Variants in SAMSN1 observed in about 807,000 individuals in gnomAD.
SAMSN1 encodes SAM domain, SH3 domain and nuclear localization signals 1.
SAMSN1 carries 31 observed loss-of-function variants against 42.0 expected under a neutral mutation model. The observed-to-expected ratio is 0.74, with a 90% CI of 0.55 to 1.00. The LOEUF (loss-of-function observed/expected upper bound fraction) is 1.00. SAMSN1 is among the 50% of genes least tolerant of loss of function. The pLI is 0.00. For synonymous variants in SAMSN1, 178 were observed against 151.9 expected, an observed-to-expected ratio of 1.17 and a Z score of -1.26; for missense variants, 464 against 439.4, an observed-to-expected ratio of 1.06 and a Z score of -0.50.
intron 1 of SAMSN1, among the ~76,000 whole-genome samples, chr21:14,643,647 C>T (rs1983647787): frequency 6.6e-6 from 1 of 152,126 alleles, no homozygotes; most frequent in Admixed American, 6.6e-5. Context: ...GATCGTTTCT[C>T]CACAATAAGG....
upstream of SAMSN1, among the ~76,000 whole-genome samples, chr21:14,584,006 T>TTTTC (rs1555839722): frequency 6.6e-6 from 1 of 151,876 alleles, no homozygotes; most frequent in African/African-American, 2.4e-5. Flanking sequence ...ACCATTTTTT[T>TTTTC]TTTTTACTTC....
At chr21:14,497,347 C>A (rs1986950789) in intron 7 of SAMSN1, among the ~76,000 whole-genome samples, 1 of 152,166 alleles carries the variant, frequency 6.6e-6, no homozygotes, top group African/African-American at 2.4e-5. Context: ...GTAATCCCAG[C>A]ACTTTGAGAG....
At chr21:14,618,094 C>T (rs1203861534) in intron 2 of SAMSN1, among the ~76,000 whole-genome samples, 1 of 152,188 alleles carries the variant, frequency 6.6e-6, no homozygotes, top group Non-Finnish European at 1.5e-5. Flanking sequence ...TGTATGTTGT[C>T]ACAATATTCT....
rs1322275604 is a variant in SAMSN1 at position 14,510,342 on chromosome 21, T to C, written c.529A>G (p.Ser177Gly). The C allele has an allele frequency of 1.2e-6, 2 of 1,614,146 alleles. No homozygotes were observed. Among genetic ancestry groups the C allele is most frequent in the Non-Finnish European group, 1.7e-6 (2 of 1,180,010 alleles). ...RARVHTDFTP[S>G]PYDTDSLKIK... ...TTGAGGGAGTCAGTGTCATAGGGAC[T>C]TGGCGTGAAATCCGTATGCACTCTG... The change falls in exon 5 of 8, where the codon AGT (serine) becomes GGT (glycine). Residue 177 changes from serine (S) to glycine (G), a missense_variant. Physicochemically the swap from Ser to Gly is moderately conservative, Grantham distance 56 (BLOSUM62 0). Transcript: ENST00000400566.
chr21:14,655,861 G>A (rs1235032994), intron 1 of SAMSN1, among the ~76,000 whole-genome samples: 1 of 151,740 alleles, frequency 6.6e-6, no homozygotes, highest in Non-Finnish European at 1.5e-5. Flanking sequence ...GAAAACCACA[G>A]AGTATCTCTC....
At chr21:14,541,515 G>T (rs13046767) in intron 1 of SAMSN1, among the ~76,000 whole-genome samples, 82,064 of 151,396 alleles carry the variant, frequency 0.54, 22,572 homozygotes, top group East Asian at 0.78. Context: ...ATTTTTTGTG[G>T]TTTTTTTTGT....
At chr21:14,526,941 T>C (rs917388693) in intron 1 of SAMSN1, among the ~76,000 whole-genome samples, 17 of 152,184 alleles carry the variant, frequency 1.1e-4, no homozygotes, top group African/African-American at 4.1e-4. Context: ...ACCACTAACT[T>C]TGGGAGTCTT....
upstream of SAMSN1, among the ~76,000 whole-genome samples, chr21:14,546,722 T>A (rs1980413831): frequency 6.6e-6 from 1 of 151,472 alleles, no homozygotes; most frequent in Admixed American, 6.6e-5. Flanking sequence ...TATTTTTTCT[T>A]TTTTTGATAC....
At chr21:14,625,291 G>A (rs1034361097) in intron 2 of SAMSN1, among the ~76,000 whole-genome samples, 3 of 152,054 alleles carry the variant, frequency 2.0e-5, no homozygotes, top group Admixed American at 6.6e-5. Context: ...AATCAAGCAG[G>A]AGAAAGAAAT....
intron 1 of SAMSN1, among the ~76,000 whole-genome samples, chr21:14,647,578 G>A (rs1366669285): frequency 1.4e-5 from 2 of 143,666 alleles, no homozygotes; most frequent in African/African-American, 2.5e-5. Context: ...ACCTTGGGCA[G>A]TATGGCCATT....
chr21:14,658,790 CTT>C (rs1568845766), exon 1 of SAMSN1: 8 of 715,430 alleles, frequency 1.1e-5, no homozygotes, highest in South Asian at 1.0e-4. Context: ...GCTTCACTCT[CTT>C]GTTGCCCTGC....
chr21:14,604,159 T>A (rs1259726160), intron 5 of SAMSN1, among the ~76,000 whole-genome samples: 2 of 152,172 alleles, frequency 1.3e-5, no homozygotes, highest in Non-Finnish European at 2.9e-5. Context: ...TCTCCAAAAA[T>A]GTTTTATAAA....
In SAMSN1 at chr21:14,565,287, A is replaced by C. The variant is rs576971779; in HGVS notation, c.261+16849T>G. 8.7e-4 allele frequency among the ~76,000 whole-genome samples: 47 copies of C among 54,322 alleles called. 1 individual carries two copies. The East Asian group carries it at 0.034, about 40-fold the overall frequency. The allele number at this position is 54,322 out of a possible 152,430, so 35.6% of individuals were successfully genotyped here. A position where few individuals can be genotyped will look rare whatever the true frequency, so the allele number is the denominator to read the frequency against. On this transcript the variant is annotated intron_variant, in intron 2 of 8. Transcript: ENST00000285670. ...CTCCAGCCTTGGCAAGACTCTATCC[A>C]AAAAAAAAAAAAAAAACATGTTTTG...
chr21:14,595,634 A>G (rs77584443), intron 6 of SAMSN1, among the ~76,000 whole-genome samples: 18 of 152,296 alleles, frequency 1.2e-4, no homozygotes, highest in African/African-American at 4.3e-4. Flanking sequence ...TTTTATTGTC[A>G]CTATTTTACA....
chr21:14,595,818 C>T (rs1982244068), intron 6 of SAMSN1, among the ~76,000 whole-genome samples: 1 of 152,068 alleles, frequency 6.6e-6, no homozygotes, highest in Admixed American at 6.6e-5. Context: ...AGAAAACTGA[C>T]AAAGTAGCTG....
upstream of SAMSN1, among the ~76,000 whole-genome samples, chr21:14,548,075 T>C (rs981310699): frequency 2.0e-5 from 3 of 152,144 alleles, no homozygotes; most frequent in Non-Finnish European, 2.9e-5. Flanking sequence ...GGCAGATCTT[T>C]TGCTTCATCT....
rs144561244 is a variant in SAMSN1 at position 14,541,380 on chromosome 21, A to G, written c.57+4825T>C. Among the ~76,000 whole-genome samples the G allele has an allele frequency of 4.1e-3, 622 of 152,030 alleles. 3 individuals carry two copies. Among genetic ancestry groups the G allele is most frequent in the Middle Eastern group, 0.017 (5 of 292 alleles). On this transcript the variant is annotated intron_variant, in intron 1 of 7. Transcript: ENST00000400566. ...AGTATCCATACTTGAACCAGGCTGTATGTAGTAGACCAAGGGTGTATTACC... is the reference window on the plus strand; with the variant it reads ...AGTATCCATACTTGAACCAGGCTGTGTGTAGTAGACCAAGGGTGTATTACC...
At chr21:14,646,224 C>A (rs1253464749) in intron 1 of SAMSN1, among the ~76,000 whole-genome samples, 1 of 152,032 alleles carries the variant, frequency 6.6e-6, no homozygotes, top group African/African-American at 2.4e-5. Context: ...ATTTAATAAT[C>A]AAATCCCAAC....
intron 5 of SAMSN1, among the ~76,000 whole-genome samples, chr21:14,604,477 G>A (rs574205519): frequency 2.0e-4 from 31 of 152,272 alleles, no homozygotes; most frequent in Non-Finnish European, 3.7e-4. Flanking sequence ...TGCTTGGGAC[G>A]CTGAGGCAGA....
Sources: allele counts gnomAD v4.1 joint callset (sites outside exome capture counted in the v4.1 genomes callset), GRCh38; gene constraint gnomAD v4.1.1; transcripts MANE v1.5; gene names NCBI Gene and HGNC (gene_info 2026-07-23, HGNC 2026-07-21).